Variants in COG6 observed in about 807,000 individuals in gnomAD.
COG6 encodes conserved oligomeric Golgi complex subunit 6.
A neutral mutation model predicts 88.8 loss-of-function variants in COG6; 74 were observed. The ratio of observed to expected loss-of-function variants is 0.83; its 90% CI spans 0.69 to 1.01. COG6 has a LOEUF of 1.01. COG6 is among the 50% of genes least tolerant of loss of function. The pLI is 0.00. For missense variants in COG6, 800 were observed against 797.9 expected, an observed-to-expected ratio of 1.00 and a Z score of -0.03; for synonymous variants, 286 against 278.7, an observed-to-expected ratio of 1.03 and a Z score of -0.26.
At position 39,752,018 on chromosome 13, in the gene COG6, T is replaced by C. The variant is rs752733132; in HGVS notation, c.*925T>C. 2.4e-6 allele frequency: 3 copies of C among 1,274,202 alleles called. No individual in the cohort carries two copies. The allele number at this position is 1,274,202 out of a possible 1,614,324, so 78.9% of individuals were successfully genotyped here. Reference sequence around the variant, plus strand: ...AACTGCCAGAGGAGGAGTTGCCAATTGGCAGTGTGTCTTATCTCCATGTTG... The same window carrying C: ...AACTGCCAGAGGAGGAGTTGCCAATCGGCAGTGTGTCTTATCTCCATGTTG... On this transcript the variant is annotated 3_prime_UTR_variant, in exon 19 of 19. Coordinates refer to ENST00000455146, the MANE Select transcript of COG6 (RefSeq NM_020751.3).
intron 1 of COG6, 108 bp from the exon 2 acceptor site, chr13:39,659,256 G>A: frequency 9.3e-7 from 1 of 1,075,186 alleles, no homozygotes; most frequent in Non-Finnish European, 1.4e-6. Context: ...TTTCGGATTG[G>A]TTAATGAAAA....
intron 18 of COG6, among the ~76,000 whole-genome samples, chr13:39,769,554 C>T (rs1881261106): frequency 1.3e-5 from 2 of 152,142 alleles, no homozygotes. Flanking sequence ...GCCAGGTAAT[C>T]TAGTACAGAG....
chr13:39,733,487 C>T (rs1413884403), intron 18 of COG6, among the ~76,000 whole-genome samples: 1 of 151,224 alleles, frequency 6.6e-6, no homozygotes, highest in African/African-American at 2.4e-5. Flanking sequence ...CTGTGCCCGG[C>T]CAAAAAGGAA....
At chr13:39,783,519 A>G (rs1420927300) in intron 18 of COG6, among the ~76,000 whole-genome samples, 2 of 152,154 alleles carry the variant, frequency 1.3e-5, no homozygotes, top group Non-Finnish European at 2.9e-5. Context: ...TTGATGTTAA[A>G]TTCTTAGAGT....
chr13:39,697,614 T>C (rs1477994206), intron 12 of COG6, among the ~76,000 whole-genome samples: 1 of 151,954 alleles, frequency 6.6e-6, no homozygotes, highest in African/African-American at 2.4e-5. Flanking sequence ...CAACATTGCA[T>C]TGTCTCACCA....
intron 13 of COG6, among the ~76,000 whole-genome samples, chr13:39,716,050 C>G (rs1161142625): frequency 6.6e-6 from 1 of 151,676 alleles, no homozygotes; most frequent in African/African-American, 2.4e-5. Context: ...TTATTTGAAT[C>G]TAATGAAAGA....
intron 18 of COG6, among the ~76,000 whole-genome samples, chr13:39,768,186 A>G (rs1317485514): frequency 6.6e-6 from 1 of 152,240 alleles, no homozygotes; most frequent in Non-Finnish European, 1.5e-5. Flanking sequence ...TGAGGCAATT[A>G]TATTTTAACT....
At chr13:39,778,067 T>C (rs1443424096) in intron 18 of COG6, among the ~76,000 whole-genome samples, 1 of 152,236 alleles carries the variant, frequency 6.6e-6, no homozygotes, top group Non-Finnish European at 1.5e-5. Flanking sequence ...GAAATAACTA[T>C]GTGCAGAAGT....
intron 18 of COG6, among the ~76,000 whole-genome samples, chr13:39,767,930 G>C (rs1401465043): frequency 6.6e-6 from 1 of 152,170 alleles, no homozygotes; most frequent in Non-Finnish European, 1.5e-5. Context: ...CAAAAGATGA[G>C]ACTTGGTTAC....
At chr13:39,717,231 T>C (rs929802878) in intron 13 of COG6, among the ~76,000 whole-genome samples, 1 of 152,162 alleles carries the variant, frequency 6.6e-6, no homozygotes, top group African/African-American at 2.4e-5. Flanking sequence ...GAGTTATTTC[T>C]TTTTAGTTGC....
chr13:39,694,707 T>C lies in COG6; in HGVS notation c.1148T>C (p.Phe383Ser). 1.9e-6 allele frequency: 3 copies of C among 1,573,798 alleles called. No individual in the cohort carries two copies. Among genetic ancestry groups the C allele is most frequent in the Non-Finnish European group, 2.6e-6 (3 of 1,146,638 alleles). Residue 383 changes from phenylalanine to serine, a missense_variant, in exon 12 of 19, where the codon TTT (phenylalanine) becomes TCT (serine). Phe to Ser is a radical substitution (Grantham distance 155). Transcript: ENST00000455146. Reference sequence around the variant, plus strand: ...TATAAAATTTCTAATCTCCTCAAATTTTATCACCATACAATCAGGTAAGTA... The same window carrying C: ...TATAAAATTTCTAATCTCCTCAAATCTTATCACCATACAATCAGGTAAGTA... ...LLYKISNLLK[F>S]YHHTISGIVG...
intron 2 of COG6, among the ~76,000 whole-genome samples, chr13:39,660,431 C>G (rs1874823625): frequency 6.6e-6 from 1 of 152,170 alleles, no homozygotes. Context: ...CTATCTGAGA[C>G]TATTGGATAC....
intron 18 of COG6, among the ~76,000 whole-genome samples, chr13:39,739,844 A>G (rs941736540): frequency 4.6e-5 from 7 of 152,152 alleles, no homozygotes; most frequent in Non-Finnish European, 8.8e-5. Flanking sequence ...TTAATTTTAA[A>G]TGTCTGTACC....
At chr13:39,660,789 T>C (rs760685354) in intron 2 of COG6, 21 bp from the exon 3 acceptor site, 1 of 1,466,804 alleles carries the variant, frequency 6.8e-7, no homozygotes, top group Non-Finnish European at 9.6e-7. Flanking sequence ...TGATGTTTGA[T>C]GTTACTTTTC....
At chr13:39,761,109 T>C (rs1880996536) in intron 18 of COG6, among the ~76,000 whole-genome samples, 1 of 152,028 alleles carries the variant, frequency 6.6e-6, no homozygotes, top group South Asian at 2.1e-4. Context: ...TTGAGGAGAA[T>C]TGATATCTTT....
At chr13:39,698,936 G>T (rs1877422058) in intron 12 of COG6, among the ~76,000 whole-genome samples, 1 of 151,766 alleles carries the variant, frequency 6.6e-6, no homozygotes, top group Non-Finnish European at 1.5e-5. Flanking sequence ...GAGGATTATG[G>T]AATGTACTAA....
At chr13:39,693,853 A>G (rs1877113608) in intron 11 of COG6, among the ~76,000 whole-genome samples, 1 of 152,014 alleles carries the variant, frequency 6.6e-6, no homozygotes, top group Non-Finnish European at 1.5e-5. Flanking sequence ...CAGATGCTAC[A>G]GAGATGTAAA....
At chr13:39,788,346 A>G (rs1881836915) in exon 19 of COG6, 2 of 1,551,772 alleles carry the variant, frequency 1.3e-6, no homozygotes, top group Middle Eastern at 1.7e-4. Context: ...CGTCCACCCA[A>G]CGGCCCATGA....
intron 12 of COG6, among the ~76,000 whole-genome samples, chr13:39,698,258 A>T (rs1259999749): frequency 3.9e-5 from 6 of 151,908 alleles, no homozygotes; most frequent in African/African-American, 1.2e-4. Context: ...TTTTCATTTA[A>T]TTTGCTTCCT....
Sources: allele counts gnomAD v4.1 joint callset (sites outside exome capture counted in the v4.1 genomes callset), GRCh38; gene constraint gnomAD v4.1.1; transcripts MANE v1.5; gene names NCBI Gene and HGNC (gene_info 2026-07-23, HGNC 2026-07-21).